GRID1: variants seen among roughly 807,000 people sequenced by gnomAD.
GRID1 encodes glutamate receptor ionotropic, delta-1.
Under a neutral mutation model 98.0 loss-of-function variants are expected in GRID1, and 28 were observed. The observed-to-expected ratio is 0.29, with a 90% CI of 0.21 to 0.39. GRID1 has a LOEUF of 0.39. Among genes scored for constraint, GRID1 ranks in the 10% least tolerant of loss-of-function variants. GRID1 has a pLI of 1.00. For missense variants in GRID1, 1,111 were observed against 1,340.5 expected (o/e 0.83, Z 2.67); for synonymous variants, 553 against 538.5 (o/e 1.03, Z -0.37).
chr10:85,919,347 A>G (rs989906531), intron 4 of GRID1, among the ~76,000 whole-genome samples: 1 of 152,242 alleles, frequency 6.6e-6, no homozygotes, highest in African/African-American at 2.4e-5. Context: ...TTCCTCACCA[A>G]TTAAGCATCA....
At chr10:86,323,679 C>A (rs1428439201) in intron 2 of GRID1, among the ~76,000 whole-genome samples, 2 of 152,164 alleles carry the variant, frequency 1.3e-5, no homozygotes, top group East Asian at 3.9e-4. Context: ...GGTACAGGGT[C>A]TCTTCTCAGG....
At chr10:86,249,811 T>C (rs1162788110) in intron 2 of GRID1, among the ~76,000 whole-genome samples, 3 of 152,222 alleles carry the variant, frequency 2.0e-5, no homozygotes, top group Non-Finnish European at 4.4e-5. Context: ...TATGTCTATC[T>C]CCCCACAATA....
At chr10:85,988,319 C>A (rs975399979) in intron 4 of GRID1, among the ~76,000 whole-genome samples, 23 of 152,180 alleles carry the variant, frequency 1.5e-4, no homozygotes, top group African/African-American at 5.6e-4. Flanking sequence ...ACCCTTCACA[C>A]AGAGTCTGGC....
chr10:86,212,492 G>C (rs1446560388), intron 2 of GRID1, among the ~76,000 whole-genome samples: 2 of 152,166 alleles, frequency 1.3e-5, no homozygotes, highest in African/African-American at 4.8e-5. Context: ...TCCTCTCCAC[G>C]GGCAGCAGAA....
intron 12 of GRID1, among the ~76,000 whole-genome samples, chr10:85,666,501 C>T (rs918223969): frequency 2.0e-5 from 3 of 152,164 alleles, no homozygotes; most frequent in Non-Finnish European, 2.9e-5. Context: ...GGGGCAGGTA[C>T]CTGCAACCTT....
intron 5 of GRID1, among the ~76,000 whole-genome samples, chr10:85,909,980 A>C (rs1457867818): frequency 6.6e-6 from 1 of 152,226 alleles, no homozygotes; most frequent in East Asian, 1.9e-4. Context: ...GGTGATACTC[A>C]AAAACAATGT....
In GRID1 at chr10:86,098,245, C is replaced by T. The variant is rs115501087; in HGVS notation, c.726+40574G>A. On this transcript the variant is annotated intron_variant, in intron 4 of 15. Transcript: ENST00000327946. ...CCCACCATCACACAACCATTGTTAA[C>T]ATTTTCTGTTTTACCTCTTTCCATA... Among the ~76,000 whole-genome samples the T allele has an allele frequency of 2.2e-3, 333 of 152,344 alleles. 1 individual carries two copies. Among genetic ancestry groups the T allele is most frequent in the African/African-American group, 7.3e-3 (302 of 41,580 alleles).
chr10:86,203,398 T>TC (rs1343631186), intron 3 of GRID1, among the ~76,000 whole-genome samples: 1 of 151,772 alleles, frequency 6.6e-6, no homozygotes, highest in Non-Finnish European at 1.5e-5. Context: ...ACACTTGCAC[T>TC]CCGAGGGCTG....
Position 85,613,584 on chromosome 10 carries a change from C to T in GRID1, c.2424G>A (p.Met808Ile). The T allele has an allele frequency of 6.2e-7, 1 of 1,614,164 alleles. No homozygotes were observed. Among genetic ancestry groups the T allele is most frequent in the Non-Finnish European group, 8.5e-7 (1 of 1,180,020 alleles). ...CATGGCTGGTGAGGTCACAGCGGCCCATGTGCGGCCACCACTTCTGCTTCA... is the reference window on the plus strand; with the variant it reads ...CATGGCTGGTGAGGTCACAGCGGCCTATGTGCGGCCACCACTTCTGCTTCA... ...DVLKQKWWPH[M>I]GRCDLTSHAS... The change falls in exon 15 of 16, where the codon ATG becomes ATA. Residue 808 changes from methionine to isoleucine, a missense_variant. Around this residue, in one of 3 missense-constraint regions of GRID1, gnomAD observed 762 missense variants for 869.1 expected, o/e 0.88. Coordinates refer to ENST00000327946, the MANE Select transcript of GRID1 (RefSeq NM_017551.3).
At chr10:85,772,937 A>C (rs1344217248) in intron 8 of GRID1, among the ~76,000 whole-genome samples, 2 of 152,214 alleles carry the variant, frequency 1.3e-5, no homozygotes, top group African/African-American at 4.8e-5. Flanking sequence ...TATTCCAATC[A>C]ATAGAAAAAG....
At chr10:86,067,637 A>G (rs1426079076) in intron 4 of GRID1, among the ~76,000 whole-genome samples, 4 of 152,200 alleles carry the variant, frequency 2.6e-5, no homozygotes, top group Non-Finnish European at 5.9e-5. Flanking sequence ...GGGTGTGCCC[A>G]TCCCCAGCGG....
intron 8 of GRID1, among the ~76,000 whole-genome samples, chr10:85,834,763 T>C (rs938573993): frequency 2.2e-4 from 33 of 152,126 alleles, no homozygotes; most frequent in African/African-American, 7.5e-4. Context: ...CTAAGAAAAC[T>C]ACACAGAGAT....
intron 4 of GRID1, among the ~76,000 whole-genome samples, chr10:86,110,900 C>A (rs1029401117): frequency 6.6e-6 from 1 of 152,238 alleles, no homozygotes; most frequent in African/African-American, 2.4e-5. Flanking sequence ...CTATGCCAGG[C>A]ACAGATTTGC....
chr10:86,083,581 C>T (rs539105708), intron 4 of GRID1, among the ~76,000 whole-genome samples: 2 of 152,328 alleles, frequency 1.3e-5, no homozygotes, highest in East Asian at 3.9e-4. Flanking sequence ...TATTCCTTTT[C>T]CAAGTGATAG....
At chr10:85,963,563 C>T (rs1009267606) in intron 4 of GRID1, among the ~76,000 whole-genome samples, 1 of 152,180 alleles carries the variant, frequency 6.6e-6, no homozygotes, top group Admixed American at 6.5e-5. Flanking sequence ...ATGATCTCCC[C>T]ATCCTCCACT....
chr10:85,774,358 A>C (rs1168721058), intron 8 of GRID1, among the ~76,000 whole-genome samples: 1 of 152,216 alleles, frequency 6.6e-6, no homozygotes, highest in Admixed American at 6.5e-5. Context: ...GTTAGACCTA[A>C]AACCATAAAA....
At chr10:86,279,793 A>G (rs1402649308) in intron 2 of GRID1, among the ~76,000 whole-genome samples, 1 of 152,260 alleles carries the variant, frequency 6.6e-6, no homozygotes, top group African/African-American at 2.4e-5. Flanking sequence ...AAATTGGGAA[A>G]AAGCAAAACT....
At chr10:85,957,785 C>A (rs1006870075) in intron 4 of GRID1, among the ~76,000 whole-genome samples, 4 of 152,144 alleles carry the variant, frequency 2.6e-5, no homozygotes, top group African/African-American at 9.7e-5. Flanking sequence ...GGTAACTCTT[C>A]CCCTAAGCTT....
chr10:85,654,460 A>T (rs550331152), intron 12 of GRID1, among the ~76,000 whole-genome samples: 1 of 152,372 alleles, frequency 6.6e-6, no homozygotes, highest in Middle Eastern at 3.4e-3. Flanking sequence ...TAAATAAAAA[A>T]TGTGATCTGA....
Sources: allele counts gnomAD v4.1 joint callset (sites outside exome capture counted in the v4.1 genomes callset), GRCh38; gene constraint gnomAD v4.1.1; regional missense constraint gnomAD v4.1.1; transcripts MANE v1.5; gene names NCBI Gene and HGNC (gene_info 2026-07-23, HGNC 2026-07-21).